Variants in FLT1 observed in about 807,000 individuals in gnomAD.
FLT1 encodes the protein fms related receptor tyrosine kinase 1.
In FLT1, 49 loss-of-function variants were observed where a neutral mutation model predicts 156.3. That is an observed-to-expected ratio of 0.31 (90% CI 0.25 to 0.40). The LOEUF (loss-of-function observed/expected upper bound fraction) is 0.40, where lower values mean the gene tolerates loss of function less well. Among genes scored for constraint, FLT1 ranks in the 10% least tolerant of loss-of-function variants. FLT1 has a pLI of 1.00. For synonymous variants in FLT1, 594 were observed against 583.8 expected (o/e 1.02, Z -0.25); for missense variants, 1,322 against 1,637.2 (o/e 0.81, Z 3.32).
At chr13:28,345,422 T>G (rs749070535) in intron 16 of FLT1, 23 bp downstream of exon 16, 29 of 1,399,048 alleles carry the variant, frequency 2.1e-5, no homozygotes, top group South Asian at 5.9e-5. Context: ...AAAAGGAGCA[T>G]AGAACATCAC....
chr13:28,324,714 T>G (rs150393716), intron 20 of FLT1, among the ~76,000 whole-genome samples: 1 of 152,228 alleles, frequency 6.6e-6, no homozygotes, highest in African/African-American at 2.4e-5. Flanking sequence ...GGCAATAGCA[T>G]GGGGAGAAAA....
At chr13:28,448,692 A>G (rs547588772) in intron 3 of FLT1, among the ~76,000 whole-genome samples, 1 of 152,362 alleles carries the variant, frequency 6.6e-6, no homozygotes, top group African/African-American at 2.4e-5. Context: ...GGTTGCATAT[A>G]TCTGTCAATA....
intron 3 of FLT1, among the ~76,000 whole-genome samples, chr13:28,465,763 GCC>G (rs1410647198): frequency 6.6e-6 from 1 of 152,162 alleles, no homozygotes; most frequent in Non-Finnish European, 1.5e-5. Context: ...GTAATCGCTT[GCC>G]CCTGGGAGGC....
At chr13:28,437,149 C>T (rs532320698) in intron 4 of FLT1, among the ~76,000 whole-genome samples, 1 of 152,306 alleles carries the variant, frequency 6.6e-6, no homozygotes, top group African/African-American at 2.4e-5. Context: ...AGGAGTTCAA[C>T]TCCTCTGGCG....
At chr13:28,303,407 G>C in intron 29 of FLT1, 39 bp from the exon 30 acceptor site, 1 of 1,585,904 alleles carries the variant, frequency 6.3e-7, no homozygotes, top group East Asian at 2.2e-5. Context: ...ATTCAAAATT[G>C]GTTTTTTAGA....
intron 14 of FLT1, among the ~76,000 whole-genome samples, chr13:28,373,695 A>G (rs1021484842): frequency 3.9e-5 from 6 of 152,172 alleles, no homozygotes; most frequent in African/African-American, 1.4e-4. Context: ...TCTTTAGTGT[A>G]GGGAGGAATT....
chr13:28,472,354 T>C (rs1286080939), intron 1 of FLT1, among the ~76,000 whole-genome samples: 4 of 152,220 alleles, frequency 2.6e-5, no homozygotes, highest in Admixed American at 2.6e-4. Flanking sequence ...TCAAATGCTC[T>C]TCAAAGCTGC....
rs146273716 is a variant in FLT1, at chr13:28,482,126, T to C, written c.64+12654A>G. Among the ~76,000 whole-genome samples the C allele has an allele frequency of 3.2e-3, 485 of 152,326 alleles. 2 individuals are homozygous for C. Among genetic ancestry groups the C allele is most frequent in the African/African-American group, 0.011 (457 of 41,572 alleles). ...GGGATCAGGAGAATTAAATTTAATATGGCTCATGTTTTTCCTCATGCAGTT... is the reference window on the plus strand; with the variant it reads ...GGGATCAGGAGAATTAAATTTAATACGGCTCATGTTTTTCCTCATGCAGTT... On this transcript the variant is annotated intron_variant, in intron 1 of 29. Coordinates refer to ENST00000282397, the MANE Select transcript of FLT1 (RefSeq NM_002019.4).
chr13:28,432,957 G>A (rs539506141), intron 6 of FLT1, among the ~76,000 whole-genome samples: 2 of 152,308 alleles, frequency 1.3e-5, no homozygotes, highest in Non-Finnish European at 2.9e-5. Context: ...CAGGGCACTC[G>A]TTACACGTTT....
chr13:28,318,756 A>G (rs911499018), intron 24 of FLT1, among the ~76,000 whole-genome samples: 1 of 152,192 alleles, frequency 6.6e-6, no homozygotes, highest in Non-Finnish European at 1.5e-5. Context: ...ACTCTTGGCG[A>G]GAACTTGAGT....
intron 3 of FLT1, among the ~76,000 whole-genome samples, chr13:28,453,561 T>C (rs899848138): frequency 6.6e-6 from 1 of 152,190 alleles, no homozygotes; most frequent in Non-Finnish European, 1.5e-5. Context: ...GGGTAGTTAG[T>C]GGGTTTTGCA....
chr13:28,442,609 C>T (rs1194423890), intron 3 of FLT1, among the ~76,000 whole-genome samples: 1 of 151,998 alleles, frequency 6.6e-6, no homozygotes, highest in East Asian at 1.9e-4. Flanking sequence ...ATTTGTGTCC[C>T]TCCAAACACT....
chr13:28,429,491 T>C lies in FLT1; in HGVS notation c.1106+559A>G, dbSNP rs1324007918. On this transcript the variant is annotated intron_variant, in intron 8 of 29. Transcript: ENST00000282397. ...TACCAGTGTTTTAAAAAACAACTGCTGAAGGAGGTTTTGAATATGTATCTT... is the reference window on the plus strand; with the variant it reads ...TACCAGTGTTTTAAAAAACAACTGCCGAAGGAGGTTTTGAATATGTATCTT... Among the ~76,000 whole-genome samples the C allele has an allele frequency of 2.0e-5, 3 of 152,316 alleles. No individual in the cohort carries two copies. In the South Asian group the frequency reaches 6.2e-4, roughly 32 times the overall value.
chr13:28,476,354 C>T (rs930456016), intron 1 of FLT1, among the ~76,000 whole-genome samples: 13 of 152,194 alleles, frequency 8.5e-5, no homozygotes, highest in African/African-American at 1.2e-4. Flanking sequence ...CTGTGACTCA[C>T]TGCTGACTAA....
chr13:28,388,197 T>C, intron 13 of FLT1: 17 of 1,057,836 alleles, frequency 1.6e-5, no homozygotes, highest in Non-Finnish European at 1.9e-5. Context: ...GCTGACAACT[T>C]CCAGGTTACT....
At chr13:28,387,291 C>T in intron 13 of FLT1, 1 of 1,044,180 alleles carries the variant, frequency 9.6e-7, no homozygotes, top group Non-Finnish European at 1.2e-6. Flanking sequence ...AAAAGTCTCA[C>T]TTTTGGCTAG....
intron 1 of FLT1, among the ~76,000 whole-genome samples, chr13:28,492,859 A>G (rs999344354): frequency 6.6e-5 from 10 of 152,348 alleles, no homozygotes; most frequent in East Asian, 1.9e-4. Flanking sequence ...CTGAGCTAAC[A>G]TGAACTAACA....
In FLT1 at chr13:28,398,976, T is replaced by A; in HGVS notation, c.1552-1908A>T. The A allele has an allele frequency of 4.9e-6, 5 of 1,016,880 alleles. No individual in the cohort carries two copies. The South Asian group carries it at 5.5e-5, about 11-fold the overall frequency. The allele number at this position is 1,016,880 out of a possible 1,614,324, so 63.0% of individuals were successfully genotyped here. Reference sequence around the variant, plus strand: ...TTCTTATTTTGATGATGAATCTTTTTAAGAGGTGGGACATAAAAAATTCTG... The same window carrying A: ...TTCTTATTTTGATGATGAATCTTTTAAAGAGGTGGGACATAAAAAATTCTG... On this transcript the variant is annotated intron_variant, in intron 11 of 29. Transcript: ENST00000282397.
rs1481530749 is a variant in FLT1, at chr13:28,321,571, G to A, written c.3066C>T (p.Asp1022=). The A allele has an allele frequency of 1.2e-6, 2 of 1,614,154 alleles. No homozygotes were observed. Among genetic ancestry groups the A allele is most frequent in the Admixed American group, 1.7e-5 (1 of 60,034 alleles). ...ATAAAAGAATGTTTCTCGCTGCCAG[G>A]TCCCGATGAATGCACTATAATAAAA... ...FLSSRKCIHR[D]LAARNILLSE... The change falls in exon 23 of 30, where the codon GAC becomes GAT. Residue 1022 remains aspartate, a synonymous_variant. Coordinates refer to ENST00000282397, the MANE Select transcript of FLT1 (RefSeq NM_002019.4).
Sources: gnomAD v4.1 joint callset for allele counts (sites outside exome capture counted in the v4.1 genomes callset) on GRCh38, gnomAD v4.1.1 for gene constraint, MANE v1.5 for transcripts, NCBI Gene and HGNC (gene_info 2026-07-23, HGNC 2026-07-21) for gene names.